Variants in CALD1 observed in about 807,000 individuals in gnomAD.
CALD1 encodes caldesmon 1.
In CALD1, 33 loss-of-function variants were observed where a neutral mutation model predicts 99.9. The ratio of observed to expected loss-of-function variants is 0.33; its 90% confidence interval spans 0.25 to 0.44. The LOEUF is 0.44. CALD1 is among the 20% of genes least tolerant of loss of function. CALD1 has a pLI of 1.00. For missense variants in CALD1, 861 were observed against 962.1 expected, an observed-to-expected ratio of 0.89 and a Z score of 1.39; for synonymous variants, 310 against 325.0, an observed-to-expected ratio of 0.95 and a Z score of 0.50.
the CALD1 span, chr7:134,734,883 C>G: frequency 6.4e-6 from 1 of 157,186 alleles, no homozygotes; most frequent in South Asian, 1.9e-4. Context: ...CCAATACACC[C>G]AGTAACAGAA....
chr7:134,849,620 AT>A (rs1211851011), intron 2 of CALD1, among the ~76,000 whole-genome samples: 4 of 152,114 alleles, frequency 2.6e-5, no homozygotes, highest in African/African-American at 9.7e-5. Context: ...TTTTTTAAAA[AT>A]ATATTTTTCT....
At chr7:134,914,269 A>G (rs995263183) in intron 3 of CALD1, among the ~76,000 whole-genome samples, 3 of 152,166 alleles carry the variant, frequency 2.0e-5, no homozygotes, top group Non-Finnish European at 4.4e-5. Context: ...GAAAAATGTA[A>G]AGTCACAGCT....
chr7:134,962,654 T>C (rs139542479), intron 13 of CALD1, among the ~76,000 whole-genome samples: 53 of 152,300 alleles, frequency 3.5e-4, no homozygotes, highest in African/African-American at 1.2e-3. Context: ...GTGGGTAGAA[T>C]TTATAGGATT....
the CALD1 span, among the ~76,000 whole-genome samples, chr7:134,714,655 G>T: frequency 2.6e-5 from 4 of 152,362 alleles, no homozygotes; most frequent in African/African-American, 7.2e-5. Context: ...CTCATAGGCA[G>T]TTTGCTCAGA....
chr7:134,779,645 G>C lies in CALD1; in HGVS notation c.-234G>C, dbSNP rs1212080929. ...TTATTGAATAGAGCAGTGTGTATTC[G>C]GCTGCCTGCCTGCCCGCCTGCTTGC... On this transcript the variant is annotated 5_prime_UTR_variant, in exon 1 of 15. Coordinates refer to ENST00000361675, the MANE Select transcript of CALD1 (RefSeq NM_033138.4). 1 of 398,652 alleles carries C rather than the reference G, an allele frequency of 2.5e-6. No homozygotes were observed. The allele number at this position is 398,652 out of a possible 1,614,324, so 24.7% of individuals were successfully genotyped here. A position where few individuals can be genotyped will look rare whatever the true frequency, so the allele number is the denominator to read the frequency against.
intron 3 of CALD1, among the ~76,000 whole-genome samples, chr7:134,910,184 G>A (rs746551022): frequency 3.9e-5 from 6 of 152,172 alleles, no homozygotes; most frequent in East Asian, 1.9e-4. Context: ...CACTAGCCCC[G>A]TAGAGATCCA....
intron 7 of CALD1, among the ~76,000 whole-genome samples, chr7:134,942,997 T>C (rs1452683674): frequency 6.6e-6 from 1 of 152,210 alleles, no homozygotes; most frequent in African/African-American, 2.4e-5. Flanking sequence ...TTAATTTTTC[T>C]ATTTTGGGCA....
At chr7:134,819,142 G>A (rs1414349522) in intron 1 of CALD1, among the ~76,000 whole-genome samples, 2 of 152,066 alleles carry the variant, frequency 1.3e-5, no homozygotes, top group Non-Finnish European at 1.5e-5. Context: ...GTGAGGCCCA[G>A]GAGCAAGAAA....
chr7:134,952,757 C>A (rs1807456138), intron 9 of CALD1, among the ~76,000 whole-genome samples: 1 of 152,150 alleles, frequency 6.6e-6, no homozygotes, highest in South Asian at 2.1e-4. Flanking sequence ...GCATGAGCCA[C>A]CATGCCCGGC....
chr7:134,728,901 G>A, the CALD1 span, among the ~76,000 whole-genome samples: 1 of 146,144 alleles, frequency 6.8e-6, no homozygotes, highest in Non-Finnish European at 1.5e-5. Context: ...GCCCAGGCTG[G>A]AGTTCAGTGG....
chr7:134,748,721 C>CCCA (rs1554421205), intron 1 of CALD1, among the ~76,000 whole-genome samples: 1 of 143,692 alleles, frequency 7.0e-6, no homozygotes, highest in Non-Finnish European at 1.5e-5. Context: ...CCCCGCCCCC[C>CCCA]AAAAAAAACC....
chr7:134,771,101 C>T (rs2131629326), intron 1 of CALD1, among the ~76,000 whole-genome samples: 1 of 152,326 alleles, frequency 6.6e-6, no homozygotes, highest in Admixed American at 6.5e-5. Flanking sequence ...TCCTTCTCAG[C>T]CTCCTTTTCT....
At chr7:134,787,940 AG>A (rs1159534402) in intron 1 of CALD1, among the ~76,000 whole-genome samples, 5 of 152,122 alleles carry the variant, frequency 3.3e-5, no homozygotes, top group Non-Finnish European at 1.5e-5. Flanking sequence ...GTTGGAGAAG[AG>A]GAGCTAAAAA....
At chr7:134,764,012 T>C (rs1055488911) in intron 1 of CALD1, among the ~76,000 whole-genome samples, 1 of 152,194 alleles carries the variant, frequency 6.6e-6, no homozygotes, top group Non-Finnish European at 1.5e-5. Flanking sequence ...AGGTGTTTGT[T>C]ATTATTATGG....
intron 3 of CALD1, among the ~76,000 whole-genome samples, chr7:134,873,137 C>T (rs970725441): frequency 6.6e-6 from 1 of 151,798 alleles, no homozygotes; most frequent in Admixed American, 6.6e-5. Flanking sequence ...CAGTGAGCCA[C>T]GATCATGCCA....
intron 1 of CALD1, among the ~76,000 whole-genome samples, chr7:134,803,459 C>CT (rs1319468898): frequency 6.6e-6 from 1 of 151,884 alleles, no homozygotes; most frequent in Non-Finnish European, 1.5e-5. Context: ...TTTGCATACT[C>CT]TATCTAGGTT....
chr7:134,953,676 T>TC (rs1190121606), intron 9 of CALD1, among the ~76,000 whole-genome samples: 2 of 149,674 alleles, frequency 1.3e-5, no homozygotes, highest in Non-Finnish European at 3.0e-5. Context: ...TTTGTTTTTT[T>TC]TTTTCAGGAG....
At chr7:134,735,562 C>CGTGTGT in the CALD1 span, among the ~76,000 whole-genome samples, 1 of 140,000 alleles carries the variant, frequency 7.1e-6, no homozygotes, top group Non-Finnish European at 1.5e-5. Flanking sequence ...TCCCCACTAC[C>CGTGTGT]CTCTGTGTGT....
intron 1 of CALD1, among the ~76,000 whole-genome samples, chr7:134,763,870 A>G (rs1158868810): frequency 1.3e-5 from 2 of 149,658 alleles, no homozygotes; most frequent in Non-Finnish European, 3.0e-5. Flanking sequence ...GTGAGCCGAG[A>G]TCGTGCCATT....
Sources: gnomAD v4.1 joint callset for allele counts (sites outside exome capture counted in the v4.1 genomes callset) on GRCh38, gnomAD v4.1.1 for gene constraint, MANE v1.5 for transcripts, NCBI Gene and HGNC (gene_info 2026-07-23, HGNC 2026-07-21) for gene names.